The following SLC35F1 variants were observed in gnomAD, a reference collection of about 807,000 sequenced individuals.
SLC35F1 encodes the protein solute carrier family 35 member F1.
SLC35F1 carries 14 observed loss-of-function variants against 48.7 expected under a neutral mutation model. The ratio of observed to expected loss-of-function variants is 0.29; its 90% CI spans 0.19 to 0.45. The LOEUF is 0.45. Ranked by LOEUF, SLC35F1 falls within the 20% of genes least tolerant of loss-of-function variation. The pLI, the probability that SLC35F1 is intolerant of heterozygous loss-of-function variation, is 1.00. For synonymous variants in SLC35F1, 190 were observed against 202.2 expected, an observed-to-expected ratio of 0.94 and a Z score of 0.51; for missense variants, 404 against 500.0, an observed-to-expected ratio of 0.81 and a Z score of 1.83.
intron 5 of SLC35F1, among the ~76,000 whole-genome samples, chr6:118,276,201 C>T (rs544920083): frequency 1.4e-4 from 21 of 152,224 alleles, no homozygotes; most frequent in African/African-American, 4.6e-4. Context: ...ACAACTGGAA[C>T]GTATAAGTCA....
At chr6:118,231,487 C>A (rs1170003535) in intron 2 of SLC35F1, among the ~76,000 whole-genome samples, 1 of 152,110 alleles carries the variant, frequency 6.6e-6, no homozygotes, top group East Asian at 1.9e-4. Flanking sequence ...TAATGGGAGT[C>A]ATGTAGATAA....
chr6:118,230,299 C>G (rs916569253), intron 2 of SLC35F1, among the ~76,000 whole-genome samples: 2 of 151,664 alleles, frequency 1.3e-5, no homozygotes, highest in Non-Finnish European at 2.9e-5. Flanking sequence ...GAGATTACAC[C>G]ACTGCACTCC....
chr6:118,244,236 G>A lies in SLC35F1; in HGVS notation c.477+8600G>A, dbSNP rs149716587. Among the ~76,000 whole-genome samples, 35 of 152,350 alleles carry A rather than the reference G, an allele frequency of 2.3e-4. No individual in the cohort carries two copies. In the East Asian group the frequency reaches 6.6e-3, roughly 29 times the overall value. On this transcript the variant is annotated intron_variant, in intron 3 of 7. Coordinates refer to ENST00000360388, the MANE Select transcript of SLC35F1 (RefSeq NM_001029858.4). The stretch of plus-strand genomic sequence containing the variant: ...CTGCCTACCACAGAAGGTGATGCAG[G>A]ACAGGTGAGCCCCAAAGTGGGGCTT...
At chr6:118,264,368 C>T (rs949463245) in intron 3 of SLC35F1, among the ~76,000 whole-genome samples, 3 of 152,228 alleles carry the variant, frequency 2.0e-5, no homozygotes, top group African/African-American at 7.2e-5. Flanking sequence ...CACCAGGCTT[C>T]TCTCCTCAAA....
At chr6:118,114,643 T>C (rs1773453178) in intron 1 of SLC35F1, among the ~76,000 whole-genome samples, 1 of 152,122 alleles carries the variant, frequency 6.6e-6, no homozygotes, top group Non-Finnish European at 1.5e-5. Context: ...CCCAAAGTGC[T>C]GGGATTACAG....
intron 1 of SLC35F1, among the ~76,000 whole-genome samples, chr6:117,918,170 G>A (rs1775850741): frequency 6.6e-6 from 1 of 152,114 alleles, no homozygotes; most frequent in South Asian, 2.1e-4. Context: ...TTGAGAATAT[G>A]ACTTTTGAGA....
At chr6:118,058,411 C>G (rs1772491788) in intron 1 of SLC35F1, among the ~76,000 whole-genome samples, 2 of 152,182 alleles carry the variant, frequency 1.3e-5, no homozygotes, top group South Asian at 4.2e-4. Flanking sequence ...GTCTTATTTC[C>G]AGACATTTGT....
intron 2 of SLC35F1, among the ~76,000 whole-genome samples, chr6:118,187,005 A>G (rs1398409594): frequency 1.3e-5 from 2 of 152,104 alleles, no homozygotes; most frequent in African/African-American, 4.8e-5. Context: ...CTCATGCCCA[A>G]CTGTCTCTCA....
chr6:118,284,778 A>G (rs1266692175), intron 6 of SLC35F1, among the ~76,000 whole-genome samples: 1 of 152,194 alleles, frequency 6.6e-6, no homozygotes, highest in Non-Finnish European at 1.5e-5. Flanking sequence ...GCAATACATG[A>G]TAGCAAGCAG....
chr6:118,191,348 A>T (rs1033238803), intron 2 of SLC35F1, among the ~76,000 whole-genome samples: 6 of 151,874 alleles, frequency 4.0e-5, no homozygotes, highest in Non-Finnish European at 8.8e-5. Flanking sequence ...CACACAACAG[A>T]CCCCCTATTC....
rs1775947956 is a variant in SLC35F1 at position 117,923,662 on chromosome 6, T to TATACAC, written c.173+15766_173+15767insCACATA. ...ACATATGTACATATGTACATATGTA[T>TATACAC]ATATACATATATGTACATATATACA... On this transcript the variant is annotated intron_variant, in intron 1 of 7. Transcript: ENST00000360388. Among the ~76,000 whole-genome samples the TATACAC allele has an allele frequency of 1.1e-4, 7 of 63,416 alleles. 1 individual carries two copies. Among genetic ancestry groups the TATACAC allele is most frequent in the Non-Finnish European group, 1.7e-4 (6 of 35,764 alleles). 41.6% of individuals were successfully genotyped at this position (63,416 alleles called of 152,430 possible). A position where few individuals can be genotyped will look rare whatever the true frequency, so the allele number is the denominator to read the frequency against.
intron 1 of SLC35F1, among the ~76,000 whole-genome samples, chr6:117,963,322 T>C (rs1042075267): frequency 6.6e-6 from 1 of 151,368 alleles, no homozygotes; most frequent in Middle Eastern, 3.4e-3. Context: ...AAATACTTAG[T>C]GATTAGTTAC....
chr6:118,251,708 A>T (rs1423319987), intron 3 of SLC35F1, among the ~76,000 whole-genome samples: 1 of 152,178 alleles, frequency 6.6e-6, no homozygotes, highest in Non-Finnish European at 1.5e-5. Context: ...TTAAGTGGCT[A>T]AAAAGAAAGG....
intron 1 of SLC35F1, among the ~76,000 whole-genome samples, chr6:117,909,790 G>C (rs1410900928): frequency 6.6e-6 from 1 of 152,084 alleles, no homozygotes; most frequent in Admixed American, 6.6e-5. Flanking sequence ...GTCATGCTAC[G>C]TTATGGGTAG....
chr6:118,056,500 TTA>T (rs750757407), intron 1 of SLC35F1, among the ~76,000 whole-genome samples: 12 of 152,186 alleles, frequency 7.9e-5, no homozygotes, highest in Non-Finnish European at 1.6e-4. Context: ...AAGTCCCCTT[TTA>T]TATTCTGGAT....
chr6:118,291,519 C>T (rs950897486), intron 7 of SLC35F1, among the ~76,000 whole-genome samples: 1 of 152,100 alleles, frequency 6.6e-6, no homozygotes, highest in Non-Finnish European at 1.5e-5. Context: ...TACTTTCTTG[C>T]TAATGTCTTT....
intron 1 of SLC35F1, among the ~76,000 whole-genome samples, chr6:117,958,882 A>G (rs1776459830): frequency 6.6e-6 from 1 of 152,228 alleles, no homozygotes; most frequent in South Asian, 2.1e-4. Flanking sequence ...TGTTTCAGTG[A>G]AAGACTATAG....
chr6:118,245,557 A>G (rs1775496561), intron 3 of SLC35F1, among the ~76,000 whole-genome samples: 1 of 151,986 alleles, frequency 6.6e-6, no homozygotes. Context: ...CTTCTTGTGG[A>G]CTGCTCCCAC....
intron 1 of SLC35F1, among the ~76,000 whole-genome samples, chr6:118,054,795 T>TC (rs1191605897): frequency 6.6e-6 from 1 of 151,498 alleles, no homozygotes; most frequent in Non-Finnish European, 1.5e-5. Flanking sequence ...TTCTTTTTTT[T>TC]TGACACGGAG....
Sources: allele counts gnomAD v4.1 joint callset (sites outside exome capture counted in the v4.1 genomes callset), GRCh38; gene constraint gnomAD v4.1.1; transcripts MANE v1.5; gene names NCBI Gene and HGNC (gene_info 2026-07-23, HGNC 2026-07-21).